The following CCDC73 variants were observed in gnomAD, a reference collection of about 807,000 sequenced individuals.
CCDC73 encodes coiled-coil domain containing 73, also known as coiled-coil domain-containing protein 73.
A neutral mutation model predicts 116.5 loss-of-function variants in CCDC73; 95 were observed. The observed-to-expected ratio is 0.82, with a 90% CI of 0.69 to 0.97. The LOEUF (loss-of-function observed/expected upper bound fraction) is 0.97, where lower values mean the gene tolerates loss of function less well. Ranked by LOEUF, CCDC73 falls within the 50% of genes least tolerant of loss-of-function variation. The pLI is 0.00. For synonymous variants in CCDC73, 398 were observed against 401.3 expected (o/e 0.99, Z 0.10); for missense variants, 1,066 against 1,206.8 (o/e 0.88, Z 1.73).
At chr11:32,685,362 A>G (rs913895269) in intron 6 of CCDC73, among the ~76,000 whole-genome samples, 8 of 151,814 alleles carry the variant, frequency 5.3e-5, no homozygotes, top group African/African-American at 1.9e-4. Flanking sequence ...AGATATTGAT[A>G]GGTGTTAAAG....
chr11:32,819,973 T>A, the CCDC73 span, among the ~76,000 whole-genome samples: 1 of 152,150 alleles, frequency 6.6e-6, no homozygotes, highest in South Asian at 2.1e-4. Context: ...GGAAGTGGAA[T>A]TAGGCATTTT....
intron 9 of CCDC73, among the ~76,000 whole-genome samples, chr11:32,657,388 A>C (rs989833801): frequency 1.3e-5 from 2 of 152,234 alleles, no homozygotes; most frequent in African/African-American, 2.4e-5. Context: ...AGGCAGACAA[A>C]TTGATGTCTG....
In CCDC73 at chr11:32,629,921, C is replaced by CAAAAAAAAAAAAAA. The variant is rs367693675; in HGVS notation, c.1185+5774_1185+5775insTTTTTTTTTTTTTT. Reference sequence around the variant, plus strand: ...GCTGGAAAGAATTCCAGCAGATATGCAAAAAAAAAAAAACAAAAAAAAAAC... The same window carrying CAAAAAAAAAAAAAA: ...GCTGGAAAGAATTCCAGCAGATATGCAAAAAAAAAAAAAAAAAAAAAAAAAAACAAAAAAAAAAC... On this transcript the variant is annotated intron_variant, in intron 14 of 17. Coordinates refer to ENST00000335185, the MANE Select transcript of CCDC73 (RefSeq NM_001008391.4). Among the ~76,000 whole-genome samples, 57 of 55,646 alleles carry CAAAAAAAAAAAAAA rather than the reference C, an allele frequency of 1.0e-3. 1 individual carries two copies. The highest frequency in any genetic ancestry group is 1.9e-3 in the African/African-American group (34 of 17,496). The allele number at this position is 55,646 out of a possible 152,430, so 36.5% of individuals were successfully genotyped here.
chr11:32,755,865 C>A (rs1850335860), intron 2 of CCDC73, among the ~76,000 whole-genome samples: 1 of 124,152 alleles, frequency 8.1e-6, no homozygotes, highest in Admixed American at 9.0e-5. Flanking sequence ...GTGTATATAT[C>A]TCCATATATA....
chr11:32,633,520 T>C (rs1250440499), intron 14 of CCDC73, among the ~76,000 whole-genome samples: 4 of 152,074 alleles, frequency 2.6e-5, no homozygotes, highest in African/African-American at 7.2e-5. Flanking sequence ...TACACATGAC[T>C]AAGATGTATT....
Position 32,654,901 on chromosome 11 carries a change from G to A in CCDC73, c.717C>T (p.Asn239=). The part of the protein sequence containing the change: ...VTCQYKMGEE[N]INLTIKEQKF... The stretch of plus-strand genomic sequence containing the variant: ...TTTGTTCTTTAATTGTTAGATTGAT[G>A]TTTTCTTCTCCCATCTTATATTGAC... The change falls in exon 10 of 18, where the codon AAC becomes AAT. Residue 239 remains asparagine, a synonymous_variant. Coordinates refer to ENST00000335185, the MANE Select transcript of CCDC73 (RefSeq NM_001008391.4). 6.2e-7 allele frequency: 1 copy of A among 1,601,898 alleles called. No homozygotes were observed. The highest frequency in any genetic ancestry group is 8.5e-7 in the Non-Finnish European group (1 of 1,175,488).
chr11:32,786,882 C>T (rs1218504108), intron 1 of CCDC73, among the ~76,000 whole-genome samples: 1 of 152,096 alleles, frequency 6.6e-6, no homozygotes, highest in African/African-American at 2.4e-5. Context: ...GTCTTCTCAT[C>T]ATGCCTGACT....
At chr11:32,617,896 A>G (rs1439481913) in intron 14 of CCDC73, among the ~76,000 whole-genome samples, 3 of 152,120 alleles carry the variant, frequency 2.0e-5, no homozygotes, top group African/African-American at 7.2e-5. Flanking sequence ...TCCAACTTTT[A>G]TTTTAGATTA....
intron 2 of CCDC73, among the ~76,000 whole-genome samples, chr11:32,744,119 G>C (rs1398916958): frequency 2.0e-5 from 3 of 152,162 alleles, no homozygotes; most frequent in African/African-American, 4.8e-5. Flanking sequence ...TAGCATGAAA[G>C]GCTGTTGAAT....
intron 2 of CCDC73, among the ~76,000 whole-genome samples, chr11:32,754,481 A>G (rs1850315105): frequency 6.6e-6 from 1 of 152,196 alleles, no homozygotes; most frequent in Non-Finnish European, 1.5e-5. Flanking sequence ...AATAAGGGGC[A>G]ATACTCAAAA....
At position 32,755,589 on chromosome 11, in the gene CCDC73, G is replaced by GTA. The variant is rs1185279283; in HGVS notation, c.135+4518_135+4519dup. ...TACATATATATCCATATATATGTGT[G>GTA]TATATATATATCCATATATATGTGT... On this transcript the variant is annotated intron_variant, in intron 2 of 17. Coordinates refer to ENST00000335185, the MANE Select transcript of CCDC73 (RefSeq NM_001008391.4). Among the ~76,000 whole-genome samples, 109 of 101,130 alleles carry GTA rather than the reference G, an allele frequency of 1.1e-3. 6 individuals are homozygous for GTA. The highest frequency in any genetic ancestry group is 3.8e-3 in the African/African-American group (101 of 26,714). 66.3% of individuals were successfully genotyped at this position (101,130 alleles called of 152,430 possible). A position where few individuals can be genotyped will look rare whatever the true frequency, so the allele number is the denominator to read the frequency against.
chr11:32,611,062 G>T, intron 17 of CCDC73, 70 bp downstream of exon 17: 1 of 1,470,178 alleles, frequency 6.8e-7, no homozygotes, highest in Non-Finnish European at 9.3e-7. Context: ...ATCCAGATGC[G>T]TACAGTTCTA....
chr11:32,633,305 A>G (rs1392577462), intron 14 of CCDC73, among the ~76,000 whole-genome samples: 2 of 152,232 alleles, frequency 1.3e-5, no homozygotes, highest in Non-Finnish European at 2.9e-5. Flanking sequence ...ACAAATATCA[A>G]GAATGACAGA....
chr11:32,803,912 T>A, the CCDC73 span, among the ~76,000 whole-genome samples: 1,525 of 152,002 alleles, frequency 0.01, 26 homozygotes, highest in African/African-American at 0.034. Flanking sequence ...GTTCAAGCGA[T>A]TCTTCTGCCT....
the CCDC73 span, among the ~76,000 whole-genome samples, chr11:32,809,606 A>G: frequency 6.6e-5 from 10 of 152,338 alleles, no homozygotes; most frequent in African/African-American, 2.2e-4. Flanking sequence ...CTTTGGTTTC[A>G]GTAGTGGAAG....
chr11:32,636,308 A>G (rs1310545698), intron 13 of CCDC73, among the ~76,000 whole-genome samples: 1 of 152,118 alleles, frequency 6.6e-6, no homozygotes, highest in Non-Finnish European at 1.5e-5. Context: ...TTAAAGTTTA[A>G]TTTTCTTGTT....
chr11:32,607,079 A>ATTTT (rs1565054204), intron 17 of CCDC73, among the ~76,000 whole-genome samples: 1 of 119,204 alleles, frequency 8.4e-6, no homozygotes, highest in African/African-American at 3.4e-5. Flanking sequence ...GCCAAAAATA[A>ATTTT]ATTTTTTTTT....
intron 3 of CCDC73, among the ~76,000 whole-genome samples, chr11:32,713,718 C>G (rs1330196368): frequency 6.6e-6 from 1 of 152,024 alleles, no homozygotes; most frequent in Non-Finnish European, 1.5e-5. Flanking sequence ...CTCAATGGAA[C>G]TTTGTAAAAA....
Position 32,654,927 on chromosome 11 carries a change from A to G in CCDC73, c.691T>C (p.Cys231Arg). ...TTTTCTTCTCCCATCTTATATTGACATGTGACTTTGGACTTTATCAAGTCT... is the reference window on the plus strand; with the variant it reads ...TTTTCTTCTCCCATCTTATATTGACGTGTGACTTTGGACTTTATCAAGTCT... ...ASDLIKSKVT[C>R]QYKMGEENIN... The change falls in exon 10 of 18, where the codon TGT (cysteine) becomes CGT (arginine). Residue 231 changes from cysteine (C) to arginine (R), a missense_variant. Transcript: ENST00000335185. The G allele has an allele frequency of 1.9e-6, 3 of 1,604,138 alleles. No individual in the cohort carries two copies. The highest frequency in any genetic ancestry group is 2.5e-6 in the Non-Finnish European group (3 of 1,177,280).
Sources: gnomAD v4.1 joint callset for allele counts (sites outside exome capture counted in the v4.1 genomes callset) on GRCh38, gnomAD v4.1.1 for gene constraint, MANE v1.5 for transcripts, NCBI Gene and HGNC (gene_info 2026-07-23, HGNC 2026-07-21) for gene names.